Variants in HOOK1 observed in about 807,000 individuals in gnomAD.
HOOK1 encodes the protein protein Hook homolog 1.
Under a neutral mutation model 112.8 loss-of-function variants are expected in HOOK1, and 60 were observed. The observed-to-expected ratio is 0.53, with a 90% CI of 0.43 to 0.66. The LOEUF (loss-of-function observed/expected upper bound fraction) is 0.66. Ranked by LOEUF, HOOK1 falls within the 30% of genes least tolerant of loss-of-function variation. The pLI is 0.00. For synonymous variants in HOOK1, 294 were observed against 283.8 expected (o/e 1.04, Z -0.36); for missense variants, 770 against 856.0 (o/e 0.90, Z 1.25).
chr1:59,820,417 C>A (rs759563490), intron 1 of HOOK1, among the ~76,000 whole-genome samples: 23 of 152,172 alleles, frequency 1.5e-4, no homozygotes, highest in South Asian at 4.1e-4. Flanking sequence ...AGTCCTGTCT[C>A]TTTAACCCTG....
At chr1:59,851,001 T>C (rs2098406874) in intron 12 of HOOK1, among the ~76,000 whole-genome samples, 1 of 151,670 alleles carries the variant, frequency 6.6e-6, no homozygotes, top group Non-Finnish European at 1.5e-5. Context: ...ATTTGTGGTC[T>C]TTTAATGGTT....
chr1:59,871,161 T>A, intron 21 of HOOK1, 51 bp downstream of exon 21: 1 of 1,192,762 alleles, frequency 8.4e-7, no homozygotes, highest in Non-Finnish European at 1.2e-6. Flanking sequence ...TTAAGCAAAC[T>A]TTTTTTTGAC....
chr1:59,872,742 G>T, intron 21 of HOOK1, 53 bp from the exon 22 acceptor site: 1 of 1,246,006 alleles, frequency 8.0e-7, no homozygotes, highest in Non-Finnish European at 1.0e-6. Context: ...AGAAGCACTC[G>T]GCAAACTCTG....
At chr1:59,840,848 C>T (rs926898754) in intron 8 of HOOK1, among the ~76,000 whole-genome samples, 10 of 151,994 alleles carry the variant, frequency 6.6e-5, no homozygotes, top group East Asian at 1.9e-4. Flanking sequence ...TATATATAAA[C>T]GTGTGTATAT....
intron 1 of HOOK1, among the ~76,000 whole-genome samples, chr1:59,821,414 T>C (rs1374378691): frequency 6.6e-6 from 1 of 152,230 alleles, no homozygotes; most frequent in Admixed American, 6.5e-5. Flanking sequence ...AGCTCATGGA[T>C]AAACTGTAAG....
chr1:59,820,436 C>A (rs1398562393), intron 1 of HOOK1, among the ~76,000 whole-genome samples: 1 of 152,144 alleles, frequency 6.6e-6, no homozygotes, highest in African/African-American at 2.4e-5. Flanking sequence ...TGTTGGTTGT[C>A]ACCCCTTCCC....
rs1004135283 is a variant in HOOK1, at chr1:59,814,965, C to A, written c.-153C>A. The A allele has an allele frequency of 3.4e-5, 24 of 701,622 alleles. No homozygotes were observed. Among genetic ancestry groups the A allele is most frequent in the Middle Eastern group, 6.1e-4 (2 of 3,272 alleles). 43.5% of individuals were successfully genotyped at this position (701,622 alleles called of 1,614,324 possible). On this transcript the variant is annotated 5_prime_UTR_variant, in exon 1 of 22. Coordinates refer to ENST00000371208, the MANE Select transcript of HOOK1 (RefSeq NM_015888.6). ...GAGGAGGGGGTGACGCCGGACGCGTCGACAGCGCGAGGGTTCGCGCGTGAG... is the reference window on the plus strand; with the variant it reads ...GAGGAGGGGGTGACGCCGGACGCGTAGACAGCGCGAGGGTTCGCGCGTGAG...
In HOOK1 at chr1:59,832,115, C is replaced by T. The variant is rs776665334; in HGVS notation, c.223-48C>T. The stretch of plus-strand genomic sequence containing the variant: ...TGTCTTTCATGCTGACATAACTTTT[C>T]TTTCATTATTAATCTGAAATAAGAA... On this transcript the variant is annotated intron_variant, in intron 3 of 21. Coordinates refer to ENST00000371208, the MANE Select transcript of HOOK1 (RefSeq NM_015888.6). The T allele has an allele frequency of 7.4e-6, 8 of 1,084,298 alleles. No homozygotes were observed. In the African/African-American group the frequency reaches 1.1e-4, roughly 15 times the overall value. 67.2% of individuals were successfully genotyped at this position (1,084,298 alleles called of 1,614,324 possible).
At chr1:59,831,004 G>A (rs2098393563) in intron 3 of HOOK1, among the ~76,000 whole-genome samples, 1 of 151,274 alleles carries the variant, frequency 6.6e-6, no homozygotes, top group Admixed American at 6.6e-5. Flanking sequence ...AGGTTCAAGC[G>A]ATTCTTCTGC....
rs375904470 is a variant in HOOK1 at position 59,872,989 on chromosome 1, CA to C, written c.*31del. The stretch of plus-strand genomic sequence containing the variant: ...AAACTGCAAAAAAAACAAAACAAAA[CA>C]AAAAAACCACATAAAATAGAAGTGT... On this transcript the variant is annotated 3_prime_UTR_variant, in exon 22 of 22. Coordinates refer to ENST00000371208, the MANE Select transcript of HOOK1 (RefSeq NM_015888.6). 5.6e-6 allele frequency: 8 copies of C among 1,422,278 alleles called. No homozygotes were observed. The highest frequency in any genetic ancestry group is 4.7e-5 in the South Asian group (3 of 64,320). 88.1% of individuals were successfully genotyped at this position (1,422,278 alleles called of 1,614,324 possible).
intron 9 of HOOK1, 26 bp downstream of exon 9, chr1:59,843,624 T>C: frequency 6.4e-7 from 1 of 1,571,634 alleles, no homozygotes; most frequent in Non-Finnish European, 8.7e-7. Context: ...GAAATCATTT[T>C]ATGGAGTTCT....
At chr1:59,842,271 A>G (rs1459029134) in intron 8 of HOOK1, among the ~76,000 whole-genome samples, 1 of 151,932 alleles carries the variant, frequency 6.6e-6, no homozygotes, top group African/African-American at 2.4e-5. Flanking sequence ...CACCTTCAAC[A>G]TCTTTTACAT....
At chr1:59,868,698 T>C (rs1487226719) in intron 20 of HOOK1, among the ~76,000 whole-genome samples, 2 of 152,198 alleles carry the variant, frequency 1.3e-5, no homozygotes, top group Non-Finnish European at 2.9e-5. Context: ...CTTTACCGTT[T>C]AAAAAAGATA....
chr1:59,835,398 A>G lies in HOOK1; in HGVS notation c.460A>G (p.Thr154Ala), dbSNP rs1463306332. Residue 154 changes from threonine (T) to alanine (A), a missense_variant, in exon 6 of 22, where the codon ACT becomes GCT. By Grantham distance (58) the Thr-to-Ala change is moderately conservative. Coordinates refer to ENST00000371208, the MANE Select transcript of HOOK1 (RefSeq NM_015888.6). ...LEESVQHVVM[T>A]AIQELMSKEI... The stretch of plus-strand genomic sequence containing the variant: ...AGAGTCTGTTCAACATGTGGTCATG[A>G]CTGCTATTCAAGAGGTAAGTTATAT... 6.3e-7 allele frequency: 1 copy of G among 1,576,390 alleles called. No homozygotes were observed. Among genetic ancestry groups the G allele is most frequent in the East Asian group, 2.2e-5 (1 of 44,554 alleles).
chr1:59,857,197 G>A (rs79906319), intron 12 of HOOK1, among the ~76,000 whole-genome samples: 161 of 152,294 alleles, frequency 1.1e-3, no homozygotes, highest in Non-Finnish European at 1.9e-3. Context: ...AGGTTAAACA[G>A]TGACAATTCT....
At chr1:59,863,852 A>G in intron 16 of HOOK1, 1 of 960,408 alleles carries the variant, frequency 1.0e-6, no homozygotes. Flanking sequence ...GCGGCATCTC[A>G]TATGTGCATA....
At chr1:59,856,936 G>A (rs2098411073) in intron 12 of HOOK1, among the ~76,000 whole-genome samples, 1 of 152,080 alleles carries the variant, frequency 6.6e-6, no homozygotes, top group Non-Finnish European at 1.5e-5. Context: ...TGACCTTCGA[G>A]ATCTCCGGGA....
At chr1:59,822,093 A>G in intron 2 of HOOK1, 150 bp downstream of exon 2, 2 of 653,588 alleles carry the variant, frequency 3.1e-6, no homozygotes, top group Non-Finnish European at 5.3e-6. Flanking sequence ...TCTTGCAGGT[A>G]GGGAACAAAA....
At chr1:59,829,104 A>G (rs1174823584) in intron 3 of HOOK1, among the ~76,000 whole-genome samples, 1 of 152,156 alleles carries the variant, frequency 6.6e-6, no homozygotes, top group Admixed American at 6.5e-5. Context: ...GTAGCTATAG[A>G]TCTGTTTTAT....
Sources: gnomAD v4.1 joint callset for allele counts (sites outside exome capture counted in the v4.1 genomes callset) on GRCh38, gnomAD v4.1.1 for gene constraint, MANE v1.5 for transcripts, NCBI Gene and HGNC (gene_info 2026-07-23, HGNC 2026-07-21) for gene names.